The following IMMP2L variants were observed in gnomAD, a reference collection of about 807,000 sequenced individuals.
IMMP2L encodes inner mitochondrial membrane peptidase subunit 2.
Under a neutral mutation model 19.3 loss-of-function variants are expected in IMMP2L, and 18 were observed. That is an observed-to-expected ratio of 0.93 (90% CI 0.64 to 1.38). The LOEUF is 1.38. IMMP2L is among the 40% of genes most tolerant of loss of function. IMMP2L has a pLI of 0.00. For missense variants in IMMP2L, 233 were observed against 218.2 expected (o/e 1.07, Z -0.43); for synonymous variants, 76 against 73.0 (o/e 1.04, Z -0.21).
chr7:111,004,983 T>G (rs570878694), intron 3 of IMMP2L, among the ~76,000 whole-genome samples: 15 of 152,304 alleles, frequency 9.8e-5, no homozygotes, highest in African/African-American at 3.6e-4. Context: ...TGTCCCAGGT[T>G]GCTATAAGAT....
intron 3 of IMMP2L, among the ~76,000 whole-genome samples, chr7:111,237,900 T>C (rs1586971315): frequency 6.6e-6 from 1 of 152,028 alleles, no homozygotes; most frequent in African/African-American, 2.4e-5. Flanking sequence ...ATCTGTAAAA[T>C]GGTGATAATG....
At chr7:111,392,976 T>C (rs1584929735) in intron 3 of IMMP2L, 1 of 384,644 alleles carries the variant, frequency 2.6e-6, no homozygotes, top group East Asian at 7.2e-5. Flanking sequence ...CCCAAGCATT[T>C]AGGGGTTTTT....
chr7:111,426,330 C>G (rs1054305975), intron 3 of IMMP2L, among the ~76,000 whole-genome samples: 1 of 150,506 alleles, frequency 6.6e-6, no homozygotes, highest in African/African-American at 2.5e-5. Context: ...GCTTATTCAC[C>G]ACTAAATCAC....
At chr7:110,987,481 T>C (rs1214698271) in intron 3 of IMMP2L, among the ~76,000 whole-genome samples, 1 of 152,200 alleles carries the variant, frequency 6.6e-6, no homozygotes, top group Non-Finnish European at 1.5e-5. Context: ...TTCCTTGGAT[T>C]CTAATATTCT....
At chr7:111,165,964 G>A (rs529706860) in intron 3 of IMMP2L, among the ~76,000 whole-genome samples, 2 of 152,200 alleles carry the variant, frequency 1.3e-5, no homozygotes, top group African/African-American at 4.8e-5. Flanking sequence ...TCATAAGTGA[G>A]TGATATATTC....
At chr7:111,356,313 T>C (rs1233537994) in intron 3 of IMMP2L, among the ~76,000 whole-genome samples, 1 of 150,874 alleles carries the variant, frequency 6.6e-6, no homozygotes, top group Non-Finnish European at 1.5e-5. Context: ...TTAACATGTA[T>C]AGACTTTTTG....
At chr7:111,031,330 T>TA (rs1790786011) in intron 3 of IMMP2L, among the ~76,000 whole-genome samples, 1 of 150,752 alleles carries the variant, frequency 6.6e-6, no homozygotes, top group Non-Finnish European at 1.5e-5. Context: ...ACAGGAAATA[T>TA]AAAAAGTGAG....
chr7:111,226,140 T>C (rs963407489), intron 3 of IMMP2L, among the ~76,000 whole-genome samples: 4 of 151,938 alleles, frequency 2.6e-5, no homozygotes, highest in Non-Finnish European at 4.4e-5. Context: ...CACTCCCTAA[T>C]TGATTACTCC....
Position 111,281,136 on chromosome 7 carries a change from AAGACAGAAAGACAGAAAGAC to A in IMMP2L, c.239+206082_239+206101del, listed in dbSNP as rs1563003904. On this transcript the variant is annotated intron_variant, in intron 3 of 5. Coordinates refer to ENST00000405709, the MANE Select transcript of IMMP2L (RefSeq NM_032549.4). Reference sequence around the variant, plus strand: ...AAAGAGAGAAAGAGAGAAAGAGAGAAAGACAGAAAGACAGAAAGACAGAAAGAAAGAAAGAAAGAAAGAAA... The same window carrying A: ...AAAGAGAGAAAGAGAGAAAGAGAGAAAGAAAGAAAGAAAGAAAGAAAGAAA... Among the ~76,000 whole-genome samples the A allele has an allele frequency of 5.3e-3, 382 of 72,624 alleles. 12 individuals carry two copies. The highest frequency in any genetic ancestry group is 0.023 in the African/African-American group (351 of 15,062). The allele number at this position is 72,624 out of a possible 152,430, so 47.6% of individuals were successfully genotyped here.
chr7:111,560,033 G>T (rs1179519612), intron 1 of IMMP2L, among the ~76,000 whole-genome samples: 1 of 56,046 alleles, frequency 1.8e-5, no homozygotes, highest in Non-Finnish European at 5.7e-5. Context: ...CATGTATTAT[G>T]TTCCACATAT....
intron 3 of IMMP2L, among the ~76,000 whole-genome samples, chr7:111,252,211 G>A (rs1484861485): frequency 6.6e-6 from 1 of 151,808 alleles, no homozygotes; most frequent in Non-Finnish European, 1.5e-5. Context: ...AATGATGCAT[G>A]GAGTATTCAG....
chr7:111,253,917 T>G (rs893971105), intron 3 of IMMP2L, among the ~76,000 whole-genome samples: 1 of 152,124 alleles, frequency 6.6e-6, no homozygotes, highest in Non-Finnish European at 1.5e-5. Context: ...ATCAGAATTC[T>G]TAGGTGAAAC....
At chr7:110,905,567 C>G (rs1006938799) in intron 4 of IMMP2L, among the ~76,000 whole-genome samples, 6 of 151,944 alleles carry the variant, frequency 3.9e-5, no homozygotes, top group African/African-American at 1.4e-4. Flanking sequence ...ATAAATAGAA[C>G]TTATCAGGTA....
chr7:110,908,263 A>G (rs1053979228), intron 4 of IMMP2L, among the ~76,000 whole-genome samples: 1 of 152,134 alleles, frequency 6.6e-6, no homozygotes, highest in African/African-American at 2.4e-5. Flanking sequence ...TCTCTCCTTC[A>G]AATTATTTAT....
chr7:110,881,192 G>A (rs1465451829), intron 5 of IMMP2L, among the ~76,000 whole-genome samples: 1 of 151,782 alleles, frequency 6.6e-6, no homozygotes, highest in African/African-American at 2.4e-5. Context: ...TCTGAGAATG[G>A]GCTCTCTTTT....
intron 3 of IMMP2L, among the ~76,000 whole-genome samples, chr7:111,022,520 T>C (rs186690056): frequency 6.6e-6 from 1 of 152,312 alleles, no homozygotes; most frequent in East Asian, 1.9e-4. Flanking sequence ...TTTGAAACTC[T>C]ACTCCTCCTC....
At position 111,270,057 on chromosome 7, in the gene IMMP2L, CTGTGTGTGTGTGTG is replaced by C. The variant is rs58848663; in HGVS notation, c.239+217167_239+217180del. ...TTTGTGTGTGTGCATGCATGTGTGTCTGTGTGTGTGTGTGTGTGTGTGTGTGTGTGTGTGTGTGT... is the reference window on the plus strand; with the variant it reads ...TTTGTGTGTGTGCATGCATGTGTGTCTGTGTGTGTGTGTGTGTGTGTGTGT... On this transcript the variant is annotated intron_variant, in intron 3 of 5. Transcript: ENST00000405709. 1.4e-3 allele frequency among the ~76,000 whole-genome samples: 201 copies of C among 140,626 alleles called. 1 individual carries two copies. The highest frequency in any genetic ancestry group is 4.8e-3 in the African/African-American group (185 of 38,572). The allele number at this position is 140,626 out of a possible 152,430, so 92.3% of individuals were successfully genotyped here.
At chr7:111,420,258 G>T (rs1835359537) in intron 3 of IMMP2L, among the ~76,000 whole-genome samples, 1 of 151,568 alleles carries the variant, frequency 6.6e-6, no homozygotes, top group Non-Finnish European at 1.5e-5. Flanking sequence ...ATGGAGAAAA[G>T]AAATCAAGTT....
At chr7:111,105,948 T>C (rs1159884731) in intron 3 of IMMP2L, among the ~76,000 whole-genome samples, 2 of 151,848 alleles carry the variant, frequency 1.3e-5, no homozygotes, top group Non-Finnish European at 2.9e-5. Context: ...ACACAACATC[T>C]CAATTCCTAA....
Sources: gnomAD v4.1 joint callset for allele counts (sites outside exome capture counted in the v4.1 genomes callset) on GRCh38, gnomAD v4.1.1 for gene constraint, MANE v1.5 for transcripts, NCBI Gene and HGNC (gene_info 2026-07-23, HGNC 2026-07-21) for gene names.